The following MAGI2 variants were observed in gnomAD, a reference collection of about 807,000 sequenced individuals.
MAGI2 encodes membrane-associated guanylate kinase, WW and PDZ domain-containing protein 2.
In MAGI2, 35 loss-of-function variants were observed where a neutral mutation model predicts 133.3. The observed-to-expected ratio is 0.26, with a 90% confidence interval of 0.20 to 0.35. MAGI2 has a LOEUF of 0.35. Among genes scored for constraint, MAGI2 ranks in the 10% least tolerant of loss-of-function variants. The pLI is 1.00. For missense variants in MAGI2, 1,636 were observed against 1,863.4 expected (o/e 0.88, Z 2.25); for synonymous variants, 729 against 710.6 (o/e 1.03, Z -0.41).
chr7:78,999,371 A>C (rs1806635270), intron 2 of MAGI2, among the ~76,000 whole-genome samples: 1 of 152,052 alleles, frequency 6.6e-6, no homozygotes, highest in African/African-American at 2.4e-5. Context: ...TCAAATTGAT[A>C]AATCAATACA....
At position 78,458,697 on chromosome 7, in the gene MAGI2, C is replaced by G. The variant is rs372575468; in HGVS notation, c.1045+31064G>C. 1.1e-4 allele frequency among the ~76,000 whole-genome samples: 16 copies of G among 151,060 alleles called. No individual in the cohort carries two copies. In the East Asian group the frequency reaches 1.2e-3, roughly 11 times the overall value. On this transcript the variant is annotated intron_variant, in intron 6 of 21. Coordinates refer to ENST00000354212, the MANE Select transcript of MAGI2 (RefSeq NM_012301.4). ...TTACCCAGGCTGGAGTGCAGTGGCA[C>G]GATCTCGGCTCAGTGCAAGCTCCGC...
chr7:79,353,192 C>A (rs1841799956), intron 1 of MAGI2, among the ~76,000 whole-genome samples: 1 of 152,076 alleles, frequency 6.6e-6, no homozygotes, highest in Admixed American at 6.5e-5. Context: ...ACCAACTGCC[C>A]CCCAGCTGCC....
At chr7:78,151,536 C>T (rs564737011) in intron 16 of MAGI2, among the ~76,000 whole-genome samples, 2 of 152,040 alleles carry the variant, frequency 1.3e-5, no homozygotes, top group Non-Finnish European at 2.9e-5. Flanking sequence ...GTAAGATGAC[C>T]GGGGCTGGCC....
intron 1 of MAGI2, among the ~76,000 whole-genome samples, chr7:79,236,877 CA>C (rs1227409219): frequency 1.3e-5 from 2 of 151,990 alleles, no homozygotes; most frequent in Non-Finnish European, 2.9e-5. Context: ...TCCATCTCTA[CA>C]AAAAAATAAA....
chr7:79,101,506 C>G lies in MAGI2; in HGVS notation c.302-94300G>C, dbSNP rs181389099. ...TTGGGAGGCCGAGGTGGGCGGATCA[C>G]GAGGTCAGGAGATCGAGACCATTCT... On this transcript the variant is annotated intron_variant, in intron 1 of 21. Coordinates refer to ENST00000354212, the MANE Select transcript of MAGI2 (RefSeq NM_012301.4). Among the ~76,000 whole-genome samples the G allele has an allele frequency of 6.8e-3, 1,029 of 152,018 alleles. 14 individuals carry two copies. Among genetic ancestry groups the G allele is most frequent in the African/African-American group, 0.023 (970 of 41,480 alleles).
At chr7:78,465,032 T>C (rs1211646615) in intron 6 of MAGI2, among the ~76,000 whole-genome samples, 1 of 152,196 alleles carries the variant, frequency 6.6e-6, no homozygotes, top group Non-Finnish European at 1.5e-5. Context: ...ATTGAAAAAG[T>C]TACCTATTAT....
chr7:79,286,910 C>A (rs770716523), intron 1 of MAGI2, among the ~76,000 whole-genome samples: 1 of 151,958 alleles, frequency 6.6e-6, no homozygotes, highest in Admixed American at 6.6e-5. Flanking sequence ...GCATAGATTG[C>A]GTGGTGGTCA....
intron 21 of MAGI2, among the ~76,000 whole-genome samples, chr7:78,047,579 T>G (rs566732208): frequency 6.6e-6 from 1 of 152,358 alleles, no homozygotes; most frequent in South Asian, 2.1e-4. Flanking sequence ...GCAGCTCCTG[T>G]GTCTCTGCCT....
intron 1 of MAGI2, among the ~76,000 whole-genome samples, chr7:79,448,322 T>C (rs1292692983): frequency 6.6e-6 from 1 of 152,076 alleles, no homozygotes; most frequent in East Asian, 1.9e-4. Context: ...AAATACAACT[T>C]GCAAAATACT....
chr7:78,556,266 G>C (rs986089783), intron 3 of MAGI2, among the ~76,000 whole-genome samples: 4 of 152,120 alleles, frequency 2.6e-5, no homozygotes, highest in Non-Finnish European at 4.4e-5. Flanking sequence ...GGCAAAACAG[G>C]GTGGGACATA....
intron 2 of MAGI2, among the ~76,000 whole-genome samples, chr7:78,894,184 A>T (rs1382386502): frequency 6.6e-6 from 1 of 152,158 alleles, no homozygotes; most frequent in Non-Finnish European, 1.5e-5. Flanking sequence ...GGCGGATCAC[A>T]AGGTCAGGAG....
intron 3 of MAGI2, among the ~76,000 whole-genome samples, chr7:78,575,187 TTAAC>T (rs1186798839): frequency 1.3e-5 from 2 of 152,126 alleles, no homozygotes; most frequent in African/African-American, 4.8e-5. Flanking sequence ...AAAATAATTA[TTAAC>T]TATCACTATC....
intron 6 of MAGI2, among the ~76,000 whole-genome samples, chr7:78,404,953 A>G (rs528498782): frequency 6.6e-6 from 1 of 152,282 alleles, no homozygotes; most frequent in South Asian, 2.1e-4. Context: ...ACCTACAAAG[A>G]ACTTAAACAA....
At chr7:78,579,344 C>T (rs142319173) in intron 3 of MAGI2, among the ~76,000 whole-genome samples, 2 of 152,142 alleles carry the variant, frequency 1.3e-5, no homozygotes, top group East Asian at 3.9e-4. Context: ...GTGTGGGAGA[C>T]CAGGATATAC....
Position 78,374,332 on chromosome 7 carries a change from A to G in MAGI2, c.1046-5119T>C, listed in dbSNP as rs538109579. On this transcript the variant is annotated intron_variant, in intron 6 of 21. Transcript: ENST00000354212. ...ATGATTAGTGATATGGAATATCTTTATATGCTTGTTGGCCACTTGTATGTC... is the reference window on the plus strand; with the variant it reads ...ATGATTAGTGATATGGAATATCTTTGTATGCTTGTTGGCCACTTGTATGTC... Among the ~76,000 whole-genome samples the G allele has an allele frequency of 5.3e-5, 8 of 152,102 alleles. No individual in the cohort carries two copies. In the South Asian group the frequency reaches 1.7e-3, roughly 32 times the overall value.
intron 2 of MAGI2, among the ~76,000 whole-genome samples, chr7:78,645,715 G>T (rs2150999584): frequency 6.6e-6 from 1 of 150,732 alleles, no homozygotes; most frequent in South Asian, 2.1e-4. Flanking sequence ...GTTGTTTATA[G>T]ACACAAACAC....
intron 6 of MAGI2, among the ~76,000 whole-genome samples, chr7:78,475,544 T>C (rs1370763150): frequency 6.6e-6 from 1 of 151,828 alleles, no homozygotes; most frequent in East Asian, 1.9e-4. Flanking sequence ...GGAAAGGTAA[T>C]ATAACAAATA....
intron 1 of MAGI2, among the ~76,000 whole-genome samples, chr7:79,284,887 C>A (rs540795237): frequency 6.6e-6 from 1 of 151,984 alleles, no homozygotes; most frequent in Non-Finnish European, 1.5e-5. Context: ...ATCTGCACTT[C>A]GGTCCTTAAT....
intron 1 of MAGI2, among the ~76,000 whole-genome samples, chr7:79,447,130 T>C (rs1005590754): frequency 6.6e-6 from 1 of 152,176 alleles, no homozygotes; most frequent in African/African-American, 2.4e-5. Flanking sequence ...TATCTCAATA[T>C]GAAGTCCTTT....
Sources: gnomAD v4.1 joint callset for allele counts (sites outside exome capture counted in the v4.1 genomes callset) on GRCh38, gnomAD v4.1.1 for gene constraint, MANE v1.5 for transcripts, NCBI Gene and HGNC (gene_info 2026-07-23, HGNC 2026-07-21) for gene names.